MACF1: variants seen among roughly 807,000 people sequenced by gnomAD.
MACF1 encodes the protein microtubule-actin cross-linking factor 1.
In MACF1, 193 loss-of-function variants were observed where a neutral mutation model predicts 854.8. That is an observed-to-expected ratio of 0.23 (90% CI 0.20 to 0.25). MACF1 has a LOEUF of 0.25. Ranked by LOEUF, MACF1 falls within the 10% of genes least tolerant of loss-of-function variation. The probability of loss-of-function intolerance (pLI) is 1.00; values close to 1 mark genes in which losing one functional copy is unlikely to be tolerated. For missense variants in MACF1, 7,722 were observed against 8,929.1 expected (o/e 0.86, Z 5.45); for synonymous variants, 3,185 against 3,226.7 (o/e 0.99, Z 0.44).
chr1:39,422,432 T>C lies in MACF1; in HGVS notation c.15875T>C (p.Leu5292Pro), dbSNP rs1193047665. The change falls in exon 59 of 101, where the codon CTT becomes CCT. Residue 5292 changes from leucine (L) to proline (P), a missense_variant. Physicochemically the swap from Leu to Pro is moderately conservative, Grantham distance 98. Coordinates refer to ENST00000564288, the MANE Select transcript of MACF1 (RefSeq NM_001394062.1). ...ATGAAATTGCAGCAGGTGAATGGAC[T>C]TGGCCAGGGATTAATTCAGAGTGCA... ...LQMKLQQVNG[L>P]GQGLIQSAGK... The C allele has an allele frequency of 2.5e-6, 4 of 1,614,122 alleles. No homozygotes were observed. Among genetic ancestry groups the C allele is most frequent in the South Asian group, 1.1e-5 (1 of 91,086 alleles).
chr1:39,286,095 C>T (rs752468990), intron 14 of MACF1, among the ~76,000 whole-genome samples: 1 of 152,116 alleles, frequency 6.6e-6, no homozygotes, highest in Non-Finnish European at 1.5e-5. Context: ...CTCACTGCAG[C>T]CTCGACTTCC....
Position 39,295,075 on chromosome 1 carries a change from G to A in MACF1, c.2184G>A (p.Gln728=), listed in dbSNP as rs1278335234. 1 of 1,613,944 alleles carries A rather than the reference G, an allele frequency of 6.2e-7. No homozygotes were observed. Among genetic ancestry groups the A allele is most frequent in the Non-Finnish European group, 8.5e-7 (1 of 1,179,870 alleles). Reference sequence around the variant, plus strand: ...TGACAATGGAACTGGAGGAGAAACAGGATGTGTTTCGTTCTCTACAAGATA... The same window carrying A: ...TGACAATGGAACTGGAGGAGAAACAAGATGTGTTTCGTTCTCTACAAGATA... ...SELTMELEEK[Q]DVFRSLQDTA... Residue 728 remains glutamine (Q), a synonymous_variant, in exon 19 of 101, where the codon CAG becomes CAA. Coordinates refer to ENST00000564288, the MANE Select transcript of MACF1 (RefSeq NM_001394062.1).
chr1:39,373,132 C>T (rs1398337028), intron 52 of MACF1: 2 of 156,788 alleles, frequency 1.3e-5, no homozygotes, highest in African/African-American at 4.8e-5. Flanking sequence ...CGGTGAAACC[C>T]CATCTCTACT....
intron 94 of MACF1, chr1:39,463,957 G>C (rs997559738): frequency 9.2e-6 from 3 of 325,076 alleles, no homozygotes; most frequent in African/African-American, 6.3e-5. Context: ...GTTCCTAGGG[G>C]GATGAAGGTA....
At chr1:39,369,650 C>T (rs1649059959) in intron 50 of MACF1, among the ~76,000 whole-genome samples, 1 of 152,204 alleles carries the variant, frequency 6.6e-6, no homozygotes, top group Non-Finnish European at 1.5e-5. Context: ...AAGCAATCAG[C>T]ACTTGAATTG....
chr1:39,172,233 G>A (rs1332910430), intron 2 of MACF1, among the ~76,000 whole-genome samples: 1 of 152,160 alleles, frequency 6.6e-6, no homozygotes, highest in Non-Finnish European at 1.5e-5. Context: ...TCCAGGGAGT[G>A]GCAGGGAAAA....
chr1:39,266,594 CTTTTTTTTTT>C (rs11406070), intron 6 of MACF1, among the ~76,000 whole-genome samples: 3 of 58,126 alleles, frequency 5.2e-5, no homozygotes, highest in African/African-American at 7.3e-5. Context: ...TGGTCTTTTC[CTTTTTTTTTT>C]TTTTTTTTTT....
In MACF1 at chr1:39,463,698, A is replaced by C; in HGVS notation, c.21753+12A>C. Reference sequence around the variant, plus strand: ...AGAATAAATACCGGGTAAGGAAGAGAAAAAGCAGTCCTTTGTTGTGGTGGT... The same window carrying C: ...AGAATAAATACCGGGTAAGGAAGAGCAAAAGCAGTCCTTTGTTGTGGTGGT... On this transcript the variant is annotated intron_variant, in intron 94 of 100. Transcript: ENST00000564288. The C allele has an allele frequency of 6.2e-7, 1 of 1,610,222 alleles. No homozygotes were observed.
rs1645598780 is a variant in MACF1 at position 39,283,918 on chromosome 1, A to T, written c.916-148A>T. 7 of 838,318 alleles carry T rather than the reference A, an allele frequency of 8.4e-6. No individual in the cohort carries two copies. The East Asian group carries it at 1.8e-4, about 21-fold the overall frequency. 51.9% of individuals were successfully genotyped at this position (838,318 alleles called of 1,614,324 possible). A position where few individuals can be genotyped will look rare whatever the true frequency, so the allele number is the denominator to read the frequency against. On this transcript the variant is annotated intron_variant, in intron 9 of 100. Coordinates refer to ENST00000564288, the MANE Select transcript of MACF1 (RefSeq NM_001394062.1). This position sits in a 1 kb window ranked among gnomAD's most constrained non-coding sequence, Gnocchi z 4.5. ...CCTGAGAGCCCTTGAGGAGCTTTGA[A>T]GCTAGTACTGTGAGCATTAAACTGA...
chr1:39,365,221 G>A (rs1001743225), intron 49 of MACF1, among the ~76,000 whole-genome samples: 9 of 151,938 alleles, frequency 5.9e-5, no homozygotes, highest in Non-Finnish European at 1.0e-4. Flanking sequence ...GACTACAGGC[G>A]CCCGCCACCA....
At chr1:39,482,425 T>A (rs186090738) in intron 99 of MACF1, among the ~76,000 whole-genome samples, 26 of 152,386 alleles carry the variant, frequency 1.7e-4, no homozygotes, top group Non-Finnish European at 3.1e-4. Flanking sequence ...TTAAAGGTCC[T>A]GGAAAACAAT....
intron 79 of MACF1, among the ~76,000 whole-genome samples, chr1:39,443,960 G>C (rs888304822): frequency 6.6e-6 from 1 of 152,178 alleles, no homozygotes; most frequent in Admixed American, 6.5e-5. Context: ...AGAACAAAAA[G>C]CAACATAATT....
intron 55 of MACF1, among the ~76,000 whole-genome samples, 198 bp downstream of exon 55, chr1:39,380,571 G>C: frequency 6.6e-6 from 1 of 152,152 alleles, no homozygotes; most frequent in East Asian, 1.9e-4. Context: ...TCAGAAGTTT[G>C]GCTTTCTTGG....
intron 2 of MACF1, among the ~76,000 whole-genome samples, chr1:39,141,458 A>G (rs1266201265): frequency 6.6e-6 from 1 of 152,142 alleles, no homozygotes; most frequent in African/African-American, 2.4e-5. Context: ...TGAGGTTTGA[A>G]TCTCAGCTCT....
At chr1:39,337,121 C>A in intron 37 of MACF1, 61 bp from the exon 38 acceptor site, 1 of 1,529,464 alleles carries the variant, frequency 6.5e-7, no homozygotes. Flanking sequence ...CCCCTGCCTG[C>A]TTTAAAGCTG....
At chr1:39,219,521 T>G (rs547180299) in intron 1 of MACF1, among the ~76,000 whole-genome samples, 54 of 152,228 alleles carry the variant, frequency 3.5e-4, no homozygotes, top group Non-Finnish European at 5.3e-4. Flanking sequence ...TCTCCCAAAG[T>G]AGACTTTTGT....
chr1:39,195,139 C>G (rs1358926965), intron 2 of MACF1, among the ~76,000 whole-genome samples: 7 of 152,180 alleles, frequency 4.6e-5, no homozygotes, highest in South Asian at 2.1e-4. Context: ...GTTCGACACC[C>G]TTGTTAGTGT....
intron 2 of MACF1, among the ~76,000 whole-genome samples, chr1:39,094,983 G>A (rs1258840033): frequency 6.6e-6 from 1 of 152,144 alleles, no homozygotes; most frequent in Non-Finnish European, 1.5e-5. Context: ...GGAATGTGGT[G>A]CTTCCATGCC....
At chr1:39,480,272 T>A (rs775994285) in intron 98 of MACF1, among the ~76,000 whole-genome samples, 9 of 152,208 alleles carry the variant, frequency 5.9e-5, no homozygotes, top group Non-Finnish European at 1.2e-4. Flanking sequence ...AATGTTTATT[T>A]CCTCATGTTC....
Sources: gnomAD v4.1 joint callset for allele counts (sites outside exome capture counted in the v4.1 genomes callset) on GRCh38, gnomAD v4.1.1 for gene constraint, Gnocchi (gnomAD v3.1) non-coding constraint, MANE v1.5 for transcripts, NCBI Gene and HGNC (gene_info 2026-07-23, HGNC 2026-07-21) for gene names.